The following LRRC1 variants were observed in gnomAD, a reference collection of about 807,000 sequenced individuals.
LRRC1 encodes leucine-rich repeat-containing protein 1.
Under a neutral mutation model 69.9 loss-of-function variants are expected in LRRC1, and 28 were observed. The ratio of observed to expected loss-of-function variants is 0.40; its 90% confidence interval spans 0.30 to 0.55. LRRC1 has a LOEUF of 0.55. Among genes scored for constraint, LRRC1 ranks in the 20% least tolerant of loss-of-function variants. LRRC1 has a pLI of 0.47. For synonymous variants in LRRC1, 236 were observed against 240.2 expected, an observed-to-expected ratio of 0.98 and a Z score of 0.16; for missense variants, 498 against 609.0, an observed-to-expected ratio of 0.82 and a Z score of 1.92.
intron 1 of LRRC1, among the ~76,000 whole-genome samples, chr6:53,822,839 A>G (rs1241414854): frequency 5.3e-5 from 8 of 152,168 alleles, no homozygotes; most frequent in African/African-American, 1.7e-4. Context: ...ATTTAACCCC[A>G]ATGTATATTC....
At position 53,909,948 on chromosome 6, in the gene LRRC1, C is replaced by T. The variant is rs970642210; in HGVS notation, c.991-3906C>T. Among the ~76,000 whole-genome samples, 9 of 152,240 alleles carry T rather than the reference C, an allele frequency of 5.9e-5. No homozygotes were observed. The South Asian group carries it at 1.0e-3, about 18-fold the overall frequency. ...ATTTAAAAAATGGAAGATAAACAGA[C>T]GTGACTAACATAGGCTCCCTTTTTG... is the stretch of plus-strand genomic sequence containing the variant. On this transcript the variant is annotated intron_variant, in intron 10 of 13. Transcript: ENST00000370888.
At chr6:53,920,995 T>C (rs991802949) in intron 13 of LRRC1, among the ~76,000 whole-genome samples, 2 of 150,272 alleles carry the variant, frequency 1.3e-5, no homozygotes, top group Non-Finnish European at 3.0e-5. Flanking sequence ...TGAGACAGAG[T>C]CTCCCTCTAT....
intron 3 of LRRC1, among the ~76,000 whole-genome samples, chr6:53,881,888 T>C (rs900476047): frequency 4.6e-5 from 7 of 152,242 alleles, no homozygotes; most frequent in African/African-American, 1.7e-4. Context: ...CATAGAAATA[T>C]TGAAACTAAA....
chr6:53,919,265 TC>T, intron 11 of LRRC1: 1 of 163,742 alleles, frequency 6.1e-6, no homozygotes. Context: ...TGCTCTGTAA[TC>T]TGGAGGTTCT....
intron 2 of LRRC1, among the ~76,000 whole-genome samples, chr6:53,870,785 C>T (rs1269867974): frequency 6.6e-6 from 1 of 152,068 alleles, no homozygotes; most frequent in Non-Finnish European, 1.5e-5. Flanking sequence ...TTTTCCCATC[C>T]CCTCCACCCC....
At chr6:53,855,272 G>C (rs1766273706) in intron 2 of LRRC1, among the ~76,000 whole-genome samples, 1 of 152,210 alleles carries the variant, frequency 6.6e-6, no homozygotes, top group Non-Finnish European at 1.5e-5. Flanking sequence ...ATTAACAGTT[G>C]ATGTCTTGAA....
In LRRC1 at chr6:53,795,078, C is replaced by T. The variant is rs954739851; in HGVS notation, c.-179C>T. On this transcript the variant is annotated 5_prime_UTR_variant, in exon 1 of 14. Coordinates refer to ENST00000370888, the MANE Select transcript of LRRC1 (RefSeq NM_018214.5). Reference sequence around the variant, plus strand: ...GGGTACAGGGACGGGGCAGGGGCTCCCGCTCCAGGTTCCTTGAAGCACTTC... The same window carrying T: ...GGGTACAGGGACGGGGCAGGGGCTCTCGCTCCAGGTTCCTTGAAGCACTTC... The T allele has an allele frequency of 3.6e-6, 2 of 562,870 alleles. No individual in the cohort carries two copies. Among genetic ancestry groups the T allele is most frequent in the Non-Finnish European group, 6.1e-6 (2 of 330,510 alleles). The allele number at this position is 562,870 out of a possible 1,614,324, so 34.9% of individuals were successfully genotyped here. A position where few individuals can be genotyped will look rare whatever the true frequency, so the allele number is the denominator to read the frequency against.
intron 10 of LRRC1, among the ~76,000 whole-genome samples, chr6:53,906,432 G>A (rs1018528089): frequency 2.9e-4 from 44 of 152,324 alleles, no homozygotes; most frequent in Middle Eastern, 6.8e-3. Context: ...CATGAGGAGA[G>A]CACTTTTAGG....
intron 2 of LRRC1, among the ~76,000 whole-genome samples, chr6:53,864,712 G>C (rs760016160): frequency 1.3e-5 from 2 of 152,126 alleles, no homozygotes; most frequent in Non-Finnish European, 2.9e-5. Flanking sequence ...AAAAATGGCA[G>C]CTCTTCTTGT....
At chr6:53,890,702 A>G (rs138052139) in intron 4 of LRRC1, among the ~76,000 whole-genome samples, 19 of 152,354 alleles carry the variant, frequency 1.2e-4, no homozygotes, top group African/African-American at 4.6e-4. Flanking sequence ...CCACCGTAAG[A>G]AAGTTTGTAA....
chr6:53,817,484 A>G (rs1047418556), intron 1 of LRRC1, among the ~76,000 whole-genome samples: 8 of 152,168 alleles, frequency 5.3e-5, no homozygotes, highest in Non-Finnish European at 4.4e-5. Context: ...AAAATGTGCA[A>G]TACTCAGTTA....
At chr6:53,896,679 G>A in intron 5 of LRRC1, 125 bp downstream of exon 5, 3 of 1,046,376 alleles carry the variant, frequency 2.9e-6, no homozygotes, top group Non-Finnish European at 4.3e-6. Context: ...ATGCCAGCCG[G>A]CCTTTTCTTA....
Position 53,878,949 on chromosome 6 carries a change from TTAA to T in LRRC1, c.278-39_278-37del, listed in dbSNP as rs758679273. ...TCCATCTTGAGAGTGATGAAAACTG[TTAA>T]TAATGGTGGCAAATTATAGACATTT... On this transcript the variant is annotated intron_variant, in intron 2 of 13. Transcript: ENST00000370888. The T allele has an allele frequency of 4.1e-6, 5 of 1,221,404 alleles. No individual in the cohort carries two copies. In the Admixed American group the frequency reaches 8.9e-5, roughly 22 times the overall value. 75.7% of individuals were successfully genotyped at this position (1,221,404 alleles called of 1,614,324 possible).
intron 12 of LRRC1, 92 bp from the exon 13 acceptor site, chr6:53,920,533 G>A (rs1313269771): frequency 9.6e-6 from 14 of 1,456,764 alleles, no homozygotes; most frequent in East Asian, 4.6e-5. Context: ...CTGGTCCTCC[G>A]TATAGATTCT....
chr6:53,892,011 T>TATACACACACAC (rs1428852703), intron 4 of LRRC1, among the ~76,000 whole-genome samples: 10,798 of 134,780 alleles, frequency 0.08, 503 homozygotes, highest in Non-Finnish European at 0.094. Context: ...TATATATATA[T>TATACACACACAC]ACACACACAC....
chr6:53,853,282 A>AT (rs59868633), intron 2 of LRRC1, among the ~76,000 whole-genome samples: 10,880 of 130,152 alleles, frequency 0.084, 1,393 homozygotes, highest in African/African-American at 0.28. Context: ...GGTGGTTCAT[A>AT]TTTTTTTTTT....
At position 53,914,146 on chromosome 6, in the gene LRRC1, A is replaced by G. The variant is rs553529764; in HGVS notation, c.1106+177A>G. ...AGGGGGGCTAGAGTGCTTGAGCCCAATGGAGCAGAGAAGGTCAGGGAAAAC... is the reference window on the plus strand; with the variant it reads ...AGGGGGGCTAGAGTGCTTGAGCCCAGTGGAGCAGAGAAGGTCAGGGAAAAC... On this transcript the variant is annotated intron_variant, in intron 11 of 13. Transcript: ENST00000370888. Among the ~76,000 whole-genome samples the G allele has an allele frequency of 8.5e-5, 13 of 152,296 alleles. No homozygotes were observed. In the South Asian group the frequency reaches 1.7e-3, roughly 19 times the overall value.
chr6:53,882,913 A>C lies in LRRC1; in HGVS notation c.383A>C (p.Gln128Pro), dbSNP rs760701122. Reference protein sequence around the residue: ...TRLPESFPELQNLTCLSVNDI... With the variant: ...TRLPESFPELPNLTCLSVNDI... ...TTGCCAGAAAGCTTTCCTGAATTAC[A>C]GAATTTAACATGTCTTTCTGTAAAT... The change falls in exon 4 of 14, where the codon CAG becomes CCG. Residue 128 changes from glutamine (Q) to proline (P), a missense_variant. Transcript: ENST00000370888. 7 of 1,607,270 alleles carry C rather than the reference A, an allele frequency of 4.4e-6. No individual in the cohort carries two copies. Among genetic ancestry groups the C allele is most frequent in the Non-Finnish European group, 5.9e-6 (7 of 1,178,164 alleles).
intron 2 of LRRC1, among the ~76,000 whole-genome samples, chr6:53,865,467 T>C (rs189679189): frequency 1.3e-5 from 2 of 152,282 alleles, no homozygotes; most frequent in Non-Finnish European, 2.9e-5. Flanking sequence ...GTCTTTGATA[T>C]CTACATGCAA....
Sources: allele counts gnomAD v4.1 joint callset (sites outside exome capture counted in the v4.1 genomes callset), GRCh38; gene constraint gnomAD v4.1.1; transcripts MANE v1.5; gene names NCBI Gene and HGNC (gene_info 2026-07-23, HGNC 2026-07-21).